ACTR3C: variants seen among roughly 807,000 people sequenced by gnomAD.
ACTR3C encodes the protein actin related protein 3C, also known as actin-related protein 3C.
Under a neutral mutation model 26.3 loss-of-function variants are expected in ACTR3C, and 18 were observed. That is an observed-to-expected ratio of 0.68 (90% confidence interval 0.47 to 1.01). The LOEUF is 1.01. Ranked by LOEUF, ACTR3C falls within the 50% of genes least tolerant of loss-of-function variation. The pLI is 0.00. For synonymous variants in ACTR3C, 55 were observed against 94.5 expected, an observed-to-expected ratio of 0.58 and a Z score of 2.42; for missense variants, 184 against 250.7, an observed-to-expected ratio of 0.73 and a Z score of 1.80.
chr7:150,251,391 A>G (rs559645454), intron 6 of ACTR3C, among the ~76,000 whole-genome samples: 1 of 152,324 alleles, frequency 6.6e-6, no homozygotes, highest in Admixed American at 6.5e-5. Flanking sequence ...AGACAGGCTA[A>G]TTTTGAGATA....
the ACTR3C span, among the ~76,000 whole-genome samples, chr7:150,046,344 A>ACCCCC: frequency 5.4e-5 from 1 of 18,448 alleles, no homozygotes; most frequent in Non-Finnish European, 1.2e-4. Flanking sequence ...TCAATGTCTC[A>ACCCCC]CCGCCCCCCC....
At chr7:150,010,748 G>A in the ACTR3C span, among the ~76,000 whole-genome samples, 1 of 149,888 alleles carries the variant, frequency 6.7e-6, no homozygotes, top group South Asian at 2.1e-4. Context: ...CTGTATATCT[G>A]CAGAACTGTG....
At chr7:150,032,063 G>A in the ACTR3C span, among the ~76,000 whole-genome samples, 1 of 152,228 alleles carries the variant, frequency 6.6e-6, no homozygotes, top group Non-Finnish European at 1.5e-5. Flanking sequence ...TTTCATCTCT[G>A]CCTTGTTGGA....
At chr7:150,180,410 C>T in the ACTR3C span, among the ~76,000 whole-genome samples, 10 of 150,906 alleles carry the variant, frequency 6.6e-5, no homozygotes, top group Admixed American at 6.5e-4. Context: ...TTTTACTTCC[C>T]TGACCAGTAG....
chr7:149,994,858 T>C, the ACTR3C span, among the ~76,000 whole-genome samples: 3 of 149,156 alleles, frequency 2.0e-5, no homozygotes, highest in Non-Finnish European at 4.5e-5. Context: ...TTTTTTTTTT[T>C]TTTTTTGAGA....
chr7:150,045,673 G>A, the ACTR3C span, among the ~76,000 whole-genome samples: 3 of 151,646 alleles, frequency 2.0e-5, no homozygotes, highest in Admixed American at 2.0e-4. Context: ...CAGGACACCT[G>A]TGTTTATGTG....
the ACTR3C span, among the ~76,000 whole-genome samples, chr7:150,189,185 C>T: frequency 6.6e-6 from 1 of 151,716 alleles, no homozygotes; most frequent in East Asian, 1.9e-4. Flanking sequence ...GAATTGCTAA[C>T]ATATAACCTT....
At chr7:150,193,236 G>C in the ACTR3C span, among the ~76,000 whole-genome samples, 17,942 of 151,322 alleles carry the variant, frequency 0.12, 1,842 homozygotes, top group African/African-American at 0.27. Flanking sequence ...GGCAGTTATG[G>C]CTTTTATAAG....
At chr7:149,929,666 G>A in the ACTR3C span, among the ~76,000 whole-genome samples, 1 of 151,536 alleles carries the variant, frequency 6.6e-6, no homozygotes, top group Admixed American at 6.6e-5. Flanking sequence ...AAGCAGCTGG[G>A]ACTACAGGCA....
At chr7:149,883,288 ATGT>A in the ACTR3C span, among the ~76,000 whole-genome samples, 37 of 152,276 alleles carry the variant, frequency 2.4e-4, no homozygotes, top group African/African-American at 6.7e-4. Context: ...CACAGTCACT[ATGT>A]ACCCAACTTC....
the ACTR3C span, among the ~76,000 whole-genome samples, chr7:150,185,276 C>CGTGTGTGTGT: frequency 2.3e-3 from 326 of 140,922 alleles, no homozygotes; most frequent in Admixed American, 4.4e-3. Context: ...AAATGTCAGG[C>CGTGTGTGTGT]GTGTGTGTGT....
chr7:150,264,912 A>T, intron 6 of ACTR3C: 9 of 954,900 alleles, frequency 9.4e-6, no homozygotes, highest in Non-Finnish European at 1.0e-5. Context: ...AAGAGGACTT[A>T]ACAAATACAA....
chr7:150,286,317 C>T, intron 5 of ACTR3C, 50 bp downstream of exon 5: 2 of 1,584,126 alleles, frequency 1.3e-6, no homozygotes, highest in South Asian at 1.2e-5. Flanking sequence ...CTCTGGGTGG[C>T]AGTATCGCTC....
chr7:150,147,344 G>C, the ACTR3C span, among the ~76,000 whole-genome samples: 2 of 151,648 alleles, frequency 1.3e-5, no homozygotes, highest in Non-Finnish European at 2.9e-5. Context: ...AGCAAAATAT[G>C]AAGAAAAAAA....
the ACTR3C span, among the ~76,000 whole-genome samples, chr7:150,041,852 C>A: frequency 7.1e-6 from 1 of 141,494 alleles, no homozygotes; most frequent in African/African-American, 2.8e-5. Context: ...GGGGATAGCT[C>A]TCAGTCCCCA....
chr7:149,939,521 G>A, the ACTR3C span, among the ~76,000 whole-genome samples: 1 of 152,144 alleles, frequency 6.6e-6, no homozygotes, highest in Non-Finnish European at 1.5e-5. Context: ...GACAACTAGA[G>A]AATGACTTCC....
the ACTR3C span, among the ~76,000 whole-genome samples, chr7:149,901,162 A>C: frequency 2.0e-5 from 3 of 148,788 alleles, no homozygotes; most frequent in African/African-American, 7.3e-5. Context: ...AATTATAGAG[A>C]TGAAAACAGA....
chr7:150,250,116 T>G (rs1202924079), intron 6 of ACTR3C, among the ~76,000 whole-genome samples: 1 of 151,848 alleles, frequency 6.6e-6, no homozygotes, highest in Non-Finnish European at 1.5e-5. Flanking sequence ...TTGGTTACAT[T>G]GAGGCCACTG....
At chr7:150,188,171 G>C in the ACTR3C span, among the ~76,000 whole-genome samples, 9,294 of 148,564 alleles carry the variant, frequency 0.063, 34 homozygotes, top group African/African-American at 0.22. Context: ...TGTCTCTGTA[G>C]TTTCGTTCTT....
Sources: gnomAD v4.1 joint callset for allele counts (sites outside exome capture counted in the v4.1 genomes callset) on GRCh38, gnomAD v4.1.1 for gene constraint, MANE v1.5 for transcripts, NCBI Gene and HGNC (gene_info 2026-07-23, HGNC 2026-07-21) for gene names.